GMCL1: variants seen among roughly 807,000 people sequenced by gnomAD.
GMCL1 encodes germ cell-less protein-like 1.
GMCL1 carries 54 observed loss-of-function variants against 75.5 expected under a neutral mutation model. The ratio of observed to expected loss-of-function variants is 0.71; its 90% CI spans 0.57 to 0.90. The LOEUF is 0.90. GMCL1 is among the 40% of genes least tolerant of loss of function. GMCL1 has a pLI of 0.00. For missense variants in GMCL1, 537 were observed against 622.7 expected, an observed-to-expected ratio of 0.86 and a Z score of 1.47; for synonymous variants, 210 against 209.6, an observed-to-expected ratio of 1.00 and a Z score of -0.02.
rs138362000 is a variant in GMCL1 at position 69,860,327 on chromosome 2, C to A, written c.1073-951C>A. Among the ~76,000 whole-genome samples the A allele has an allele frequency of 2.6e-3, 390 of 152,166 alleles. 2 individuals carry two copies. Among genetic ancestry groups the A allele is most frequent in the African/African-American group, 9.0e-3 (375 of 41,520 alleles). ...TTTAATCTGTTTTTATCTAAAATAGCTAATGTTTCCACTTACACAGGCTTA... is the reference window on the plus strand; with the variant it reads ...TTTAATCTGTTTTTATCTAAAATAGATAATGTTTCCACTTACACAGGCTTA... On this transcript the variant is annotated intron_variant, in intron 9 of 13. Coordinates refer to ENST00000282570, the MANE Select transcript of GMCL1 (RefSeq NM_178439.5).
Position 69,869,696 on chromosome 2 carries a change from GTCT to G in GMCL1, c.1219-19_1219-17del. ...TTGCTAATATGATAAACTGAAATAA[GTCT>G]TCTCTCTTGTATTTTTTAGTACTGC... On this transcript the variant is annotated intron_variant, in intron 11 of 13. Transcript: ENST00000282570. 2 of 1,607,448 alleles carry G rather than the reference GTCT, an allele frequency of 1.2e-6. No individual in the cohort carries two copies. The highest frequency in any genetic ancestry group is 1.3e-5 in the African/African-American group (1 of 74,626).
At chr2:69,843,040 CT>C in intron 4 of GMCL1, 108 bp from the exon 5 acceptor site, 1 of 316,316 alleles carries the variant, frequency 3.2e-6, no homozygotes, top group Non-Finnish European at 5.6e-6. Flanking sequence ...AGTTTTCTTT[CT>C]TTTCTTTCTT....
chr2:69,868,486 C>T (rs967206911), intron 11 of GMCL1, among the ~76,000 whole-genome samples: 8 of 152,108 alleles, frequency 5.3e-5, no homozygotes, highest in African/African-American at 1.2e-4. Context: ...TAAACAAACT[C>T]GTGAACCCCA....
chr2:69,830,385 A>G (rs1247466781), intron 1 of GMCL1, among the ~76,000 whole-genome samples: 1 of 152,226 alleles, frequency 6.6e-6, no homozygotes, highest in Non-Finnish European at 1.5e-5. Flanking sequence ...GTGTTGTTAC[A>G]GCCCCAAGAT....
At chr2:69,839,008 C>G (rs1674902670) in intron 2 of GMCL1, among the ~76,000 whole-genome samples, 1 of 152,096 alleles carries the variant, frequency 6.6e-6, no homozygotes. Context: ...TGTACCTTTC[C>G]AAGAATTCAG....
chr2:69,859,322 A>AATAT (rs34562235), intron 9 of GMCL1, among the ~76,000 whole-genome samples: 24 of 149,412 alleles, frequency 1.6e-4, no homozygotes, highest in African/African-American at 4.2e-4. Flanking sequence ...ATCAGCTTTA[A>AATAT]ATATATATAT....
intron 10 of GMCL1, among the ~76,000 whole-genome samples, chr2:69,864,590 C>CTTTTTTT (rs534389389): frequency 5.7e-5 from 5 of 88,328 alleles, no homozygotes; most frequent in South Asian, 4.3e-4. Flanking sequence ...TAGACTTTTA[C>CTTTTTTT]TTTTTTTTTT....
intron 1 of GMCL1, among the ~76,000 whole-genome samples, chr2:69,833,451 C>A (rs1288130347): frequency 6.6e-6 from 1 of 152,000 alleles, no homozygotes; most frequent in Non-Finnish European, 1.5e-5. Context: ...CCCGCCTCTA[C>A]CAAAAAATAC....
rs1459618509 is a variant in GMCL1, at chr2:69,866,485, G to A, written c.1218+1510G>A. Among the ~76,000 whole-genome samples, 3 of 152,028 alleles carry A rather than the reference G, an allele frequency of 2.0e-5. No individual in the cohort carries two copies. In the South Asian group the frequency reaches 6.2e-4, roughly 32 times the overall value. On this transcript the variant is annotated intron_variant, in intron 11 of 13. Coordinates refer to ENST00000282570, the MANE Select transcript of GMCL1 (RefSeq NM_178439.5). ...TATTTTACGTTCACATTGATTGACT[G>A]ATGGACAGTGTCTCACTGTGTCGCC...
In GMCL1 at chr2:69,832,105, C is replaced by T. The variant is rs547639635; in HGVS notation, c.260+1953C>T. ...TCGTGGTGGCAGCTGCCTGTAATCC[C>T]AGCTACTCGGGACGCTGAGGCAGAA... On this transcript the variant is annotated intron_variant, in intron 1 of 13. Coordinates refer to ENST00000282570, the MANE Select transcript of GMCL1 (RefSeq NM_178439.5). Among the ~76,000 whole-genome samples the T allele has an allele frequency of 4.6e-5, 7 of 152,148 alleles. 1 individual carries two copies. Among genetic ancestry groups the T allele is most frequent in the Middle Eastern group, 3.4e-3 (1 of 294 alleles).
chr2:69,861,396 A>G (rs749946816), intron 10 of GMCL1, 49 bp downstream of exon 10: 1 of 1,145,922 alleles, frequency 8.7e-7, no homozygotes, highest in African/African-American at 1.5e-5. Context: ...TTTGCTATGA[A>G]TTTTTTAATG....
Position 69,869,784 on chromosome 2 carries a change from C to T in GMCL1, c.1284C>T (p.Tyr428=), listed in dbSNP as rs143828499. The T allele has an allele frequency of 6.8e-6, 11 of 1,613,890 alleles. No individual in the cohort carries two copies. Among genetic ancestry groups the T allele is most frequent in the Middle Eastern group, 1.6e-4 (1 of 6,084 alleles). ...TACTTGTAACTTACACCAATCGATACATCATTTTCAAACGCAATACACTGA... is the reference window on the plus strand; with the variant it reads ...TACTTGTAACTTACACCAATCGATATATCATTTTCAAACGCAATACACTGA... ...FDLLVTYTNR[Y]IIFKRNTLNQ... Residue 428 remains tyrosine (Y), a synonymous_variant, in exon 12 of 14, where the codon TAC becomes TAT. Coordinates refer to ENST00000282570, the MANE Select transcript of GMCL1 (RefSeq NM_178439.5).
intron 3 of GMCL1, among the ~76,000 whole-genome samples, chr2:69,840,365 G>A (rs756915952): frequency 1.3e-5 from 2 of 151,528 alleles, no homozygotes; most frequent in Non-Finnish European, 2.9e-5. Context: ...AGCCGAGATC[G>A]CGCCACTGCA....
chr2:69,846,795 A>G (rs946868582), intron 6 of GMCL1, among the ~76,000 whole-genome samples: 5 of 152,116 alleles, frequency 3.3e-5, no homozygotes, highest in African/African-American at 1.2e-4. Context: ...TAGAGGTTAA[A>G]GATTACTTTG....
chr2:69,874,498 C>T (rs1322880249), intron 13 of GMCL1, among the ~76,000 whole-genome samples: 1 of 152,090 alleles, frequency 6.6e-6, no homozygotes, highest in Non-Finnish European at 1.5e-5. Context: ...ATCCACCTGC[C>T]TTGGCCTCCC....
Position 69,853,620 on chromosome 2 carries a change from C to T in GMCL1, c.935-1203C>T, listed in dbSNP as rs1675382107. 2.0e-5 allele frequency among the ~76,000 whole-genome samples: 3 copies of T among 152,048 alleles called. No homozygotes were observed. The South Asian group carries it at 6.2e-4, about 32-fold the overall frequency. Reference sequence around the variant, plus strand: ...TATACATACTCTCCTGGGTATATGTCGTTTAACAGAAAACATAGACTAGGG... The same window carrying T: ...TATACATACTCTCCTGGGTATATGTTGTTTAACAGAAAACATAGACTAGGG... On this transcript the variant is annotated intron_variant, in intron 8 of 13. Coordinates refer to ENST00000282570, the MANE Select transcript of GMCL1 (RefSeq NM_178439.5).
At chr2:69,845,600 G>A (rs752171756) in intron 6 of GMCL1, among the ~76,000 whole-genome samples, 18 of 152,140 alleles carry the variant, frequency 1.2e-4, no homozygotes, top group African/African-American at 2.9e-4. Flanking sequence ...GATTAAGTAC[G>A]CATATTATCC....
At chr2:69,877,470 TATC>T (rs1250667953) in intron 13 of GMCL1, among the ~76,000 whole-genome samples, 3 of 152,218 alleles carry the variant, frequency 2.0e-5, no homozygotes, top group Non-Finnish European at 4.4e-5. Context: ...CAGATATACA[TATC>T]ATCAAAACAT....
intron 4 of GMCL1, chr2:69,842,864 T>C (rs955954486): frequency 1.1e-5 from 2 of 188,588 alleles, no homozygotes; most frequent in South Asian, 1.4e-4. Context: ...AGGGGAAGAA[T>C]AGAAAAGAAA....
Sources: allele counts gnomAD v4.1 joint callset (sites outside exome capture counted in the v4.1 genomes callset), GRCh38; gene constraint gnomAD v4.1.1; transcripts MANE v1.5; gene names NCBI Gene and HGNC (gene_info 2026-07-23, HGNC 2026-07-21).